RIN2: variants seen among roughly 807,000 people sequenced by gnomAD.
RIN2 encodes the protein RAB5 interacting protein 2.
RIN2 carries 36 observed loss-of-function variants against 78.0 expected under a neutral mutation model. That is an observed-to-expected ratio of 0.46 (90% confidence interval 0.35 to 0.61). RIN2 has a LOEUF of 0.61. Among genes scored for constraint, RIN2 ranks in the 20% least tolerant of loss-of-function variants. The pLI is 0.00. For missense variants in RIN2, 1,087 were observed against 1,159.7 expected, an observed-to-expected ratio of 0.94 and a Z score of 0.91; for synonymous variants, 466 against 466.8, an observed-to-expected ratio of 1.00 and a Z score of 0.02.
chr20:19,844,660 CTT>C lies in RIN2; in HGVS notation c.-36-44905_-36-44904del, dbSNP rs1568807559. Among the ~76,000 whole-genome samples, 151 of 136,824 alleles carry C rather than the reference CTT, an allele frequency of 1.1e-3. 3 individuals are homozygous for C. In the Middle Eastern group the frequency reaches 0.022, roughly 20 times the overall value. 89.8% of individuals were successfully genotyped at this position (136,824 alleles called of 152,430 possible). ...TCTTCTTCTTCTTCTTCTTCTTCTT[CTT>C]CTTCTTCCTTCTTCTTCTTCTTCCT... On this transcript the variant is annotated intron_variant, in intron 2 of 12. Coordinates refer to ENST00000255006, the MANE Select transcript of RIN2 (RefSeq NM_018993.4).
intron 4 of RIN2, among the ~76,000 whole-genome samples, chr20:19,941,557 A>G (rs988332169): frequency 1.3e-5 from 2 of 152,150 alleles, no homozygotes; most frequent in African/African-American, 2.4e-5. Flanking sequence ...CACATCACAC[A>G]TCGATGGCTT....
intron 11 of RIN2, among the ~76,000 whole-genome samples, chr20:19,994,938 A>G (rs2042908468): frequency 6.6e-6 from 1 of 152,180 alleles, no homozygotes; most frequent in African/African-American, 2.4e-5. Context: ...TGGAAAGTGC[A>G]TGGCTCAGGG....
At chr20:19,797,267 C>T (rs2035087166) in intron 1 of RIN2, among the ~76,000 whole-genome samples, 1 of 152,160 alleles carries the variant, frequency 6.6e-6, no homozygotes, top group South Asian at 2.1e-4. Flanking sequence ...AGCCCTTCCT[C>T]TCTTAGAATA....
intron 2 of RIN2, among the ~76,000 whole-genome samples, chr20:19,867,202 T>C (rs1430573361): frequency 6.6e-6 from 1 of 152,192 alleles, no homozygotes; most frequent in Non-Finnish European, 1.5e-5. Context: ...CACATGCTCA[T>C]GTGCACACAC....
At chr20:19,808,978 G>T (rs1329376184) in intron 2 of RIN2, among the ~76,000 whole-genome samples, 2 of 152,236 alleles carry the variant, frequency 1.3e-5, no homozygotes, top group Admixed American at 1.3e-4. Context: ...CAGCACCCCA[G>T]GCTGGTGGGG....
At chr20:19,919,970 G>A (rs978936290) in intron 3 of RIN2, among the ~76,000 whole-genome samples, 1 of 152,134 alleles carries the variant, frequency 6.6e-6, no homozygotes, top group African/African-American at 2.4e-5. Context: ...AACTGGGGCT[G>A]CCGAAAGCCT....
At chr20:19,773,101 C>T (rs2122439583) in intron 1 of RIN2, among the ~76,000 whole-genome samples, 1 of 152,288 alleles carries the variant, frequency 6.6e-6, no homozygotes, top group African/African-American at 2.4e-5. Context: ...AGGAGCTGTT[C>T]CAGGCCTCCC....
intron 4 of RIN2, among the ~76,000 whole-genome samples, chr20:19,953,946 T>G (rs2041428965): frequency 6.6e-6 from 1 of 152,244 alleles, no homozygotes; most frequent in African/African-American, 2.4e-5. Context: ...CCTGGAAATT[T>G]GTAGCAGAAG....
intron 3 of RIN2, among the ~76,000 whole-genome samples, chr20:19,905,698 A>C (rs1019158326): frequency 2.6e-5 from 4 of 152,112 alleles, no homozygotes; most frequent in Non-Finnish European, 4.4e-5. Context: ...CAGCCACTGC[A>C]CTCCAGCCTG....
At chr20:19,984,271 A>T (rs1257713566) in intron 9 of RIN2, among the ~76,000 whole-genome samples, 1 of 152,188 alleles carries the variant, frequency 6.6e-6, no homozygotes, top group Non-Finnish European at 1.5e-5. Context: ...TTGTTGTGGG[A>T]GCATCATAGA....
chr20:19,876,691 G>A (rs189582248), intron 2 of RIN2, among the ~76,000 whole-genome samples: 294 of 152,282 alleles, frequency 1.9e-3, no homozygotes, highest in African/African-American at 6.5e-3. Context: ...GATCACTTGA[G>A]ATCAGGAGTT....
rs2040242046 is a variant in RIN2, at chr20:19,926,774, G to A, written c.58-8325G>A. Reference sequence around the variant, plus strand: ...TAAGTTTCAAGTCTTCAACATATCAGCAACACATCCCTTTTCAAACCACTG... The same window carrying A: ...TAAGTTTCAAGTCTTCAACATATCAACAACACATCCCTTTTCAAACCACTG... On this transcript the variant is annotated intron_variant, in intron 3 of 12. Coordinates refer to ENST00000255006, the MANE Select transcript of RIN2 (RefSeq NM_018993.4). Among the ~76,000 whole-genome samples, 3 of 152,200 alleles carry A rather than the reference G, an allele frequency of 2.0e-5. No homozygotes were observed. The South Asian group carries it at 6.2e-4, about 32-fold the overall frequency.
chr20:19,760,163 C>T (rs2033577901), intron 1 of RIN2, among the ~76,000 whole-genome samples: 1 of 152,214 alleles, frequency 6.6e-6, no homozygotes, highest in Non-Finnish European at 1.5e-5. Flanking sequence ...CGTGCTTTGG[C>T]ACCTCCAGAG....
chr20:19,909,777 A>G (rs1368455139), intron 3 of RIN2, among the ~76,000 whole-genome samples: 2 of 152,230 alleles, frequency 1.3e-5, no homozygotes, highest in East Asian at 3.8e-4. Flanking sequence ...TGTGGTTTCC[A>G]GGGCTCATCA....
In RIN2 at chr20:19,969,216, G is replaced by A. The variant is rs549495206; in HGVS notation, c.537-1622G>A. 4.3e-4 allele frequency among the ~76,000 whole-genome samples: 66 copies of A among 152,132 alleles called. 1 individual carries two copies. The South Asian group carries it at 8.5e-3, about 20-fold the overall frequency. On this transcript the variant is annotated intron_variant, in intron 7 of 12. Transcript: ENST00000255006. ...TCCAAGAATGTTGCCTAATTTTACCGTAAACAATAGGTTGTTTGGTATCAT... is the reference window on the plus strand; with the variant it reads ...TCCAAGAATGTTGCCTAATTTTACCATAAACAATAGGTTGTTTGGTATCAT...
intron 3 of RIN2, among the ~76,000 whole-genome samples, chr20:19,898,829 A>C (rs1295212194): frequency 3.9e-5 from 6 of 152,252 alleles, no homozygotes; most frequent in African/African-American, 1.4e-4. Flanking sequence ...AATAAACAAA[A>C]AGGCCCTTTC....
At chr20:19,862,083 A>G (rs979960404) in intron 2 of RIN2, among the ~76,000 whole-genome samples, 2 of 152,186 alleles carry the variant, frequency 1.3e-5, no homozygotes, top group Non-Finnish European at 1.5e-5. Flanking sequence ...CTATCCCCCA[A>G]GTGGAGTCCG....
intron 6 of RIN2, among the ~76,000 whole-genome samples, chr20:19,963,823 G>T (rs2041844667): frequency 6.7e-6 from 1 of 149,128 alleles, no homozygotes; most frequent in African/African-American, 2.5e-5. Context: ...TGGAAGATGT[G>T]CAGAATGCCA....
intron 2 of RIN2, among the ~76,000 whole-genome samples, chr20:19,811,521 C>T (rs1035440269): frequency 1.3e-5 from 2 of 152,124 alleles, no homozygotes; most frequent in Non-Finnish European, 2.9e-5. Context: ...TGGATGGGAA[C>T]AGTGGGTGTG....
Sources: allele counts gnomAD v4.1 joint callset (sites outside exome capture counted in the v4.1 genomes callset), GRCh38; gene constraint gnomAD v4.1.1; transcripts MANE v1.5; gene names NCBI Gene and HGNC (gene_info 2026-07-23, HGNC 2026-07-21).